Variants in PAK1 observed in about 807,000 individuals in gnomAD.
PAK1 encodes serine/threonine-protein kinase PAK 1.
Under a neutral mutation model 67.4 loss-of-function variants are expected in PAK1, and 29 were observed. The observed-to-expected ratio is 0.43, with a 90% CI of 0.32 to 0.59. The LOEUF (loss-of-function observed/expected upper bound fraction) is 0.59. Among genes scored for constraint, PAK1 ranks in the 20% least tolerant of loss-of-function variants. PAK1 has a pLI of 0.07. For synonymous variants in PAK1, 223 were observed against 237.4 expected (o/e 0.94, Z 0.56); for missense variants, 337 against 670.7 (o/e 0.50, Z 5.50).
At chr11:77,464,657 T>C (rs1957511175) in intron 1 of PAK1, among the ~76,000 whole-genome samples, 1 of 152,142 alleles carries the variant, frequency 6.6e-6, no homozygotes, top group African/African-American at 2.4e-5. Flanking sequence ...TAAACCCAAC[T>C]TACACTGAAA....
intron 5 of PAK1, among the ~76,000 whole-genome samples, chr11:77,365,570 T>C (rs999602027): frequency 6.6e-6 from 1 of 152,092 alleles, no homozygotes; most frequent in Non-Finnish European, 1.5e-5. Flanking sequence ...CGGTGGCTCA[T>C]GCCTGTAATC....
intron 14 of PAK1, chr11:77,325,186 C>T (rs902245629): frequency 3.4e-6 from 3 of 891,102 alleles, no homozygotes; most frequent in Non-Finnish European, 4.9e-6. Flanking sequence ...CCTCAGTTTC[C>T]TTCTCTGTCT....
intron 1 of PAK1, among the ~76,000 whole-genome samples, chr11:77,460,988 G>C (rs1209180932): frequency 2.0e-5 from 3 of 152,138 alleles, no homozygotes; most frequent in Non-Finnish European, 4.4e-5. Context: ...AGAAAACTAG[G>C]CTTGTGGAAA....
At chr11:77,404,803 G>T (rs551264981) in intron 1 of PAK1, among the ~76,000 whole-genome samples, 5 of 152,256 alleles carry the variant, frequency 3.3e-5, no homozygotes. Flanking sequence ...TTCCCTCTCT[G>T]TTAGATATAT....
At chr11:77,430,089 G>C (rs1413972910) in intron 1 of PAK1, among the ~76,000 whole-genome samples, 1 of 152,152 alleles carries the variant, frequency 6.6e-6, no homozygotes, top group Non-Finnish European at 1.5e-5. Context: ...GTAAGACTGA[G>C]ACTAGACTCT....
chr11:77,509,506 G>A, the PAK1 span, among the ~76,000 whole-genome samples: 1 of 152,222 alleles, frequency 6.6e-6, no homozygotes. Context: ...GGCCAATTGT[G>A]GCAACCCCAG....
intron 1 of PAK1, among the ~76,000 whole-genome samples, chr11:77,473,060 T>A (rs547976932): frequency 2.1e-4 from 32 of 152,346 alleles, no homozygotes; most frequent in African/African-American, 7.2e-4. Flanking sequence ...AGTCAAGTCC[T>A]ACCAGCCCTT....
intron 2 of PAK1, among the ~76,000 whole-genome samples, chr11:77,390,971 T>C (rs1021418587): frequency 4.6e-5 from 7 of 152,216 alleles, no homozygotes; most frequent in South Asian, 2.1e-4. Flanking sequence ...CATATCTATA[T>C]AAAGACACTA....
the PAK1 span, among the ~76,000 whole-genome samples, chr11:77,523,299 T>C: frequency 2.3e-3 from 345 of 152,332 alleles, no homozygotes; most frequent in African/African-American, 7.8e-3. Context: ...CAGATTTATG[T>C]CAAAATAATG....
chr11:77,499,308 G>A, the PAK1 span, among the ~76,000 whole-genome samples: 17 of 152,110 alleles, frequency 1.1e-4, no homozygotes, highest in South Asian at 4.1e-4. Context: ...AGCAATCCTC[G>A]CAGTTTGGCC....
At chr11:77,464,292 A>G (rs182152192) in intron 1 of PAK1, among the ~76,000 whole-genome samples, 2 of 152,260 alleles carry the variant, frequency 1.3e-5, no homozygotes, top group Non-Finnish European at 2.9e-5. Context: ...ACTAAAATCT[A>G]TTTATCATGC....
the PAK1 span, among the ~76,000 whole-genome samples, chr11:77,482,745 C>A: frequency 6.6e-6 from 1 of 152,028 alleles, no homozygotes; most frequent in Non-Finnish European, 1.5e-5. Context: ...GGATGACAGG[C>A]ACTCGCCACC....
chr11:77,359,816 A>C (rs929546900), intron 5 of PAK1, among the ~76,000 whole-genome samples: 6 of 152,134 alleles, frequency 3.9e-5, no homozygotes, highest in Admixed American at 3.3e-4. Flanking sequence ...TTAAGAGACA[A>C]AATGCCTCCA....
At chr11:77,420,740 G>C (rs1200035897) in intron 1 of PAK1, among the ~76,000 whole-genome samples, 1 of 152,204 alleles carries the variant, frequency 6.6e-6, no homozygotes, top group African/African-American at 2.4e-5. Context: ...AGAGGAGTTA[G>C]GGAGGGCAGG....
intron 1 of PAK1, among the ~76,000 whole-genome samples, chr11:77,424,865 C>T (rs1403201722): frequency 6.6e-6 from 1 of 152,220 alleles, no homozygotes; most frequent in Non-Finnish European, 1.5e-5. Context: ...TCCAGCCAGA[C>T]TATATGTCCC....
At position 77,458,680 on chromosome 11, in the gene PAK1, G is replaced by A. The variant is rs933571424; in HGVS notation, c.-22+14872C>T. 1.4e-4 allele frequency among the ~76,000 whole-genome samples: 22 copies of A among 152,174 alleles called. 3 individuals are homozygous for A. Among genetic ancestry groups the A allele is most frequent in the Admixed American group, 1.2e-3 (19 of 15,278 alleles). Reference sequence around the variant, plus strand: ...TACAGACCTTACTGGTGAGCAGGGAGGAATGTTTGAGTGGGGGCTAATTTT... The same window carrying A: ...TACAGACCTTACTGGTGAGCAGGGAAGAATGTTTGAGTGGGGGCTAATTTT... On this transcript the variant is annotated intron_variant, in intron 1 of 14. Coordinates refer to ENST00000356341, the MANE Select transcript of PAK1 (RefSeq NM_002576.5).
At chr11:77,429,091 A>AAAAAAAC (rs1955734431) in intron 1 of PAK1, among the ~76,000 whole-genome samples, 1 of 108,394 alleles carries the variant, frequency 9.2e-6, no homozygotes. Flanking sequence ...AAAAAAAAAA[A>AAAAAAAC]AAACACACAC....
chr11:77,485,359 G>GTA, the PAK1 span, among the ~76,000 whole-genome samples: 1 of 152,106 alleles, frequency 6.6e-6, no homozygotes, highest in African/African-American at 2.4e-5. Flanking sequence ...TGCTTAAGGT[G>GTA]ATGGATACCT....
chr11:77,494,970 T>C, the PAK1 span, among the ~76,000 whole-genome samples: 1 of 151,796 alleles, frequency 6.6e-6, no homozygotes, highest in African/African-American at 2.4e-5. Context: ...GAGACCAACC[T>C]GGCCAACACA....
Sources: gnomAD v4.1 joint callset for allele counts (sites outside exome capture counted in the v4.1 genomes callset) on GRCh38, gnomAD v4.1.1 for gene constraint, MANE v1.5 for transcripts, NCBI Gene and HGNC (gene_info 2026-07-23, HGNC 2026-07-21) for gene names.